OR2C1: variants seen among roughly 807,000 people sequenced by gnomAD.
The protein encoded by OR2C1 is olfactory receptor family 2 subfamily C member 1.
For missense variants in OR2C1, 468 were observed against 388.3 expected (o/e 1.21, Z -1.73); for synonymous variants, 209 against 167.3 (o/e 1.25, Z -1.92).
chr16:3,330,662 TGA>T, the OR2C1 span, among the ~76,000 whole-genome samples: 1 of 152,234 alleles, frequency 6.6e-6, no homozygotes, highest in African/African-American at 2.4e-5. Flanking sequence ...AAACATCAAA[TGA>T]GAGTAATTAG....
chr16:3,352,279 C>G (rs1010842700), upstream of OR2C1, among the ~76,000 whole-genome samples: 3 of 151,620 alleles, frequency 2.0e-5, no homozygotes, highest in African/African-American at 4.8e-5. Context: ...ACCACGCCCG[C>G]CTAATTTTTG....
At chr16:3,338,074 G>T in the OR2C1 span, among the ~76,000 whole-genome samples, 1 of 152,110 alleles carries the variant, frequency 6.6e-6, no homozygotes, top group Non-Finnish European at 1.5e-5. Context: ...AATGGGGAAG[G>T]TCCCAAAGTG....
chr16:3,348,028 G>A, the OR2C1 span, among the ~76,000 whole-genome samples: 3 of 152,180 alleles, frequency 2.0e-5, no homozygotes, highest in Non-Finnish European at 2.9e-5. Context: ...TAACAACGTA[G>A]ATGTCTATTC....
At chr16:3,333,799 T>G in the OR2C1 span, among the ~76,000 whole-genome samples, 2 of 152,218 alleles carry the variant, frequency 1.3e-5, no homozygotes, top group African/African-American at 4.8e-5. Flanking sequence ...ATTTTCCCCA[T>G]GATTTCTTCT....
the OR2C1 span, chr16:3,323,428 AG>A: frequency 1.3e-6 from 1 of 758,326 alleles, no homozygotes; most frequent in Non-Finnish European, 2.4e-6. Context: ...TGTCTGTCAG[AG>A]GGATGGTGTT....
rs374275834 is a variant in OR2C1 at position 3,356,322 on chromosome 16, C to T, written c.382C>T (p.Arg128Trp). ...ATTTGACCGCTACGTGGCAGTGTGCCGGCCCCTCCGCTACACCGCCATCAT... is the reference window on the plus strand; with the variant it reads ...ATTTGACCGCTACGTGGCAGTGTGCTGGCCCCTCCGCTACACCGCCATCAT... ...MAFDRYVAVC[R>W]PLRYTAIMNP... The change falls in exon 1 of 1, where the codon CGG becomes TGG. Residue 128 changes from arginine (R) to tryptophan (W), a missense_variant. Arg to Trp is a moderately radical substitution (Grantham distance 101). Transcript: ENST00000304936. The T allele has an allele frequency of 2.4e-5, 38 of 1,613,092 alleles. No individual in the cohort carries two copies. The highest frequency in any genetic ancestry group is 3.3e-4 in the Middle Eastern group (2 of 6,060).
the OR2C1 span, among the ~76,000 whole-genome samples, chr16:3,341,927 A>G: frequency 6.6e-6 from 1 of 152,242 alleles, no homozygotes; most frequent in Admixed American, 6.5e-5. Flanking sequence ...ATGAAACCCA[A>G]CAAGAGTACA....
chr16:3,342,237 C>T, the OR2C1 span, among the ~76,000 whole-genome samples: 2 of 151,962 alleles, frequency 1.3e-5, no homozygotes, highest in Admixed American at 6.6e-5. Flanking sequence ...GGCAACAGAG[C>T]GAGACCCTGC....
chr16:3,348,007 A>T, the OR2C1 span, among the ~76,000 whole-genome samples: 1 of 152,224 alleles, frequency 6.6e-6, no homozygotes, highest in Non-Finnish European at 1.5e-5. Context: ...TACAAACATT[A>T]AGTGCGTCCC....
downstream of OR2C1, among the ~76,000 whole-genome samples, chr16:3,358,040 A>G (rs2030712909): frequency 6.6e-6 from 1 of 151,982 alleles, no homozygotes; most frequent in Admixed American, 6.6e-5. Flanking sequence ...TTCCATCCAT[A>G]TATCTCTCCA....
At chr16:3,344,727 CA>C in the OR2C1 span, among the ~76,000 whole-genome samples, 124,021 of 151,222 alleles carry the variant, frequency 0.82, 50,944 homozygotes, top group East Asian at 0.92. Flanking sequence ...GACTCTGTCT[CA>C]AAAAAAAAAT....
chr16:3,324,063 T>C, the OR2C1 span: 1 of 375,838 alleles, frequency 2.7e-6, no homozygotes, highest in Non-Finnish European at 4.7e-6. Context: ...TTTGAAACAA[T>C]CAAAAAGTAA....
At chr16:3,338,970 A>T in the OR2C1 span, among the ~76,000 whole-genome samples, 79,085 of 151,986 alleles carry the variant, frequency 0.52, 20,918 homozygotes, top group East Asian at 0.68. Context: ...TATTTTAATC[A>T]CCCTGAAAGA....
chr16:3,346,360 G>A, the OR2C1 span, among the ~76,000 whole-genome samples: 1 of 152,106 alleles, frequency 6.6e-6, no homozygotes, highest in African/African-American at 2.4e-5. Context: ...TAAAGGCAAA[G>A]TACAAAGTCT....
At chr16:3,353,026 A>C (rs1451447276), upstream of OR2C1, among the ~76,000 whole-genome samples, 1 of 151,812 alleles carries the variant, frequency 6.6e-6, no homozygotes, top group Non-Finnish European at 1.5e-5. Context: ...TACAGGCGTC[A>C]GCCACTGCGC....
chr16:3,326,944 CA>C, the OR2C1 span, among the ~76,000 whole-genome samples: 2 of 152,116 alleles, frequency 1.3e-5, no homozygotes, highest in Non-Finnish European at 2.9e-5. Context: ...TAGAACTGCC[CA>C]GTACTTTTCA....
At chr16:3,330,279 T>G in the OR2C1 span, among the ~76,000 whole-genome samples, 1 of 151,808 alleles carries the variant, frequency 6.6e-6, no homozygotes, top group Non-Finnish European at 1.5e-5. Flanking sequence ...GCTAATTTTT[T>G]GTATTTTTTT....
the OR2C1 span, among the ~76,000 whole-genome samples, chr16:3,334,340 G>A: frequency 1.3e-5 from 2 of 150,814 alleles, no homozygotes; most frequent in Admixed American, 1.3e-4. Context: ...GTTTCACCAT[G>A]TTGGCCAGGA....
chr16:3,333,210 C>CTTTTTT, the OR2C1 span, among the ~76,000 whole-genome samples: 41 of 33,046 alleles, frequency 1.2e-3, 8 homozygotes, highest in Non-Finnish European at 2.3e-3. Context: ...ATCTTTTGCC[C>CTTTTTT]ATTTTTTTTT....
Sources: allele counts gnomAD v4.1 joint callset (sites outside exome capture counted in the v4.1 genomes callset), GRCh38; gene constraint gnomAD v4.1.1; transcripts MANE v1.5; gene names NCBI Gene and HGNC (gene_info 2026-07-23, HGNC 2026-07-21).